The following TENM3 variants were observed in gnomAD, a reference collection of about 807,000 sequenced individuals.
TENM3 encodes the protein teneurin transmembrane protein 3, also known as teneurin-3.
TENM3 carries 63 observed loss-of-function variants against 255.1 expected under a neutral mutation model. The ratio of observed to expected loss-of-function variants is 0.25; its 90% CI spans 0.20 to 0.30. The LOEUF is 0.30. Ranked by LOEUF, TENM3 falls within the 10% of genes least tolerant of loss-of-function variation. The probability of loss-of-function intolerance (pLI) is 1.00; values close to 1 mark genes in which losing one functional copy is unlikely to be tolerated. For synonymous variants in TENM3, 1,306 were observed against 1,322.3 expected, an observed-to-expected ratio of 0.99 and a Z score of 0.27; for missense variants, 2,929 against 3,461.1, an observed-to-expected ratio of 0.85 and a Z score of 3.86.
the TENM3 span, among the ~76,000 whole-genome samples, chr4:181,852,689 A>G: frequency 1.3e-5 from 2 of 152,222 alleles, no homozygotes; most frequent in Non-Finnish European, 2.9e-5. Context: ...CAAAAGAACA[A>G]TAGTCTGTAT....
At chr4:181,736,603 CTGTT>C in the TENM3 span, among the ~76,000 whole-genome samples, 2 of 151,904 alleles carry the variant, frequency 1.3e-5, no homozygotes, top group Admixed American at 6.6e-5. Flanking sequence ...TAGATACAAT[CTGTT>C]TGTTTTCCAG....
At chr4:181,856,154 AAG>A in the TENM3 span, among the ~76,000 whole-genome samples, 522 of 142,416 alleles carry the variant, frequency 3.7e-3, 12 homozygotes, top group East Asian at 0.039. Flanking sequence ...GAAGGAAGGA[AAG>A]GGAAGGAAAG....
At chr4:182,699,945 T>C (rs913589167) in intron 12 of TENM3, among the ~76,000 whole-genome samples, 4 of 152,100 alleles carry the variant, frequency 2.6e-5, no homozygotes, top group Non-Finnish European at 5.9e-5. Context: ...AAAATGCTCC[T>C]TCTGCTTGCC....
In TENM3 at chr4:182,299,773, C is replaced by T. The variant is rs552679030; in HGVS notation, c.-75-24173C>T. Among the ~76,000 whole-genome samples, 12 of 150,686 alleles carry T rather than the reference C, an allele frequency of 8.0e-5. No homozygotes were observed. In the East Asian group the frequency reaches 1.2e-3, roughly 15 times the overall value. ...GACTGATGGCGGAGGATGCCAAGGA[C>T]GGGGGGAGGGAGGGAAGGGTTAGGA... On this transcript the variant is annotated intron_variant, in intron 1 of 27. Coordinates refer to ENST00000511685, the MANE Select transcript of TENM3 (RefSeq NM_001080477.4).
intron 1 of TENM3, among the ~76,000 whole-genome samples, chr4:182,319,155 C>G (rs1762906068): frequency 6.6e-6 from 1 of 152,112 alleles, no homozygotes; most frequent in Non-Finnish European, 1.5e-5. Context: ...AGGCTTTGCC[C>G]ACTGATGCAG....
the TENM3 span, among the ~76,000 whole-genome samples, chr4:181,684,993 T>C: frequency 7.0e-6 from 1 of 143,734 alleles, no homozygotes; most frequent in Non-Finnish European, 1.5e-5. Context: ...CTTGAACTGC[T>C]AGGCTCAAAT....
At chr4:181,825,233 T>G in the TENM3 span, among the ~76,000 whole-genome samples, 1 of 151,992 alleles carries the variant, frequency 6.6e-6, no homozygotes, top group Non-Finnish European at 1.5e-5. Context: ...AAACCCCATC[T>G]CTACTAAAAA....
At chr4:182,299,011 A>AAAAAAAAAAAAAAAAAC (rs1761679444) in intron 1 of TENM3, among the ~76,000 whole-genome samples, 1 of 85,262 alleles carries the variant, frequency 1.2e-5, no homozygotes, top group Non-Finnish European at 2.1e-5. Context: ...AAAAAAAAAA[A>AAAAAAAAAAAAAAAAAC]AAAAAGAGGT....
chr4:181,657,424 G>A, the TENM3 span, among the ~76,000 whole-genome samples: 499 of 152,206 alleles, frequency 3.3e-3, no homozygotes, highest in Non-Finnish European at 5.9e-3. Context: ...AAAATGCTCA[G>A]CATCACTAAC....
chr4:182,739,336 C>A (rs559212851), intron 18 of TENM3, among the ~76,000 whole-genome samples: 3 of 152,178 alleles, frequency 2.0e-5, no homozygotes, highest in African/African-American at 7.2e-5. Context: ...GTTGTCTAGA[C>A]TGTGTTTCCA....
the TENM3 span, among the ~76,000 whole-genome samples, chr4:181,801,124 A>G: frequency 2.0e-5 from 3 of 152,150 alleles, no homozygotes; most frequent in East Asian, 5.8e-4. Flanking sequence ...CATGGTAGAC[A>G]GGCTGGCTTG....
At chr4:182,104,333 C>T in the TENM3 span, among the ~76,000 whole-genome samples, 68 of 152,146 alleles carry the variant, frequency 4.5e-4, 1 homozygote, top group African/African-American at 1.6e-3. Context: ...AGGGTCTAGC[C>T]ACCTCCACTC....
chr4:182,301,446 C>G (rs555546802), intron 1 of TENM3, among the ~76,000 whole-genome samples: 1 of 152,038 alleles, frequency 6.6e-6, no homozygotes, highest in African/African-American at 2.4e-5. Flanking sequence ...TGACAGGTAG[C>G]GTGATGAGAT....
chr4:181,481,327 C>T, the TENM3 span, among the ~76,000 whole-genome samples: 1 of 152,164 alleles, frequency 6.6e-6, no homozygotes, highest in African/African-American at 2.4e-5. Context: ...TATCCAGGCT[C>T]TGTTTTCTAT....
At chr4:181,500,592 T>C in the TENM3 span, among the ~76,000 whole-genome samples, 1 of 152,192 alleles carries the variant, frequency 6.6e-6, no homozygotes, top group Non-Finnish European at 1.5e-5. Flanking sequence ...GTTTATTGTT[T>C]ATTACTGAAA....
At chr4:181,462,759 G>A in the TENM3 span, among the ~76,000 whole-genome samples, 1 of 152,140 alleles carries the variant, frequency 6.6e-6, no homozygotes, top group Non-Finnish European at 1.5e-5. Flanking sequence ...GCTGAGTCAA[G>A]TTCCCACTCT....
At chr4:182,408,862 T>TTGGCAGCCTCCTTCCCGTTAAATTATC (rs1769770588) in intron 3 of TENM3, among the ~76,000 whole-genome samples, 1 of 152,214 alleles carries the variant, frequency 6.6e-6, no homozygotes, top group African/African-American at 2.4e-5. Flanking sequence ...CTTGGGGCCT[T>TTGGCAGCCTCCTTCCCGTTAAATTATC]TGGCAGCCTC....
the TENM3 span, among the ~76,000 whole-genome samples, chr4:181,794,666 C>CTGTGTGTGTGTGTGTGTG: frequency 8.0e-4 from 114 of 142,894 alleles, no homozygotes; most frequent in Non-Finnish European, 1.1e-3. Context: ...AATAATATCC[C>CTGTGTGTGTGTGTGTGTG]TGTGTGTGTG....
At chr4:181,946,985 A>C in the TENM3 span, among the ~76,000 whole-genome samples, 1 of 152,198 alleles carries the variant, frequency 6.6e-6, no homozygotes, top group South Asian at 2.1e-4. Context: ...ATCCCATGTA[A>C]ATCACTGACC....
Sources: allele counts gnomAD v4.1 joint callset (sites outside exome capture counted in the v4.1 genomes callset), GRCh38; gene constraint gnomAD v4.1.1; transcripts MANE v1.5; gene names NCBI Gene and HGNC (gene_info 2026-07-23, HGNC 2026-07-21).